The following YY1 variants were observed in gnomAD, a reference collection of about 807,000 sequenced individuals.
YY1 encodes transcriptional repressor protein YY1.
In YY1, 2 loss-of-function variants were observed where a neutral mutation model predicts 35.6. That is an observed-to-expected ratio of 0.06 (90% CI 0.02 to 0.18). YY1 has a LOEUF of 0.18. Among genes scored for constraint, YY1 ranks in the 10% least tolerant of loss-of-function variants. The pLI is 1.00. For missense variants in YY1, 322 were observed against 573.4 expected (o/e 0.56, Z 4.48); for synonymous variants, 268 against 238.9 (o/e 1.12, Z -1.12).
chr14:100,264,935 T>TC (rs1891132087), intron 2 of YY1, among the ~76,000 whole-genome samples: 1 of 150,714 alleles, frequency 6.6e-6, no homozygotes, highest in African/African-American at 2.4e-5. Context: ...ATGATGAGAC[T>TC]CCATCTCTAA....
At chr14:100,258,310 A>G (rs1219772647) in intron 1 of YY1, among the ~76,000 whole-genome samples, 2 of 152,130 alleles carry the variant, frequency 1.3e-5, no homozygotes, top group Non-Finnish European at 2.9e-5. Flanking sequence ...ATGAAATTAA[A>G]GAATTTGAGT....
chr14:100,245,515 A>G (rs1232462056), intron 1 of YY1, among the ~76,000 whole-genome samples: 1 of 152,174 alleles, frequency 6.6e-6, no homozygotes, highest in Non-Finnish European at 1.5e-5. Context: ...TATGATTAAT[A>G]AACATTTCAG....
chr14:100,274,490 G>C (rs1891292159), intron 2 of YY1, among the ~76,000 whole-genome samples: 1 of 152,232 alleles, frequency 6.6e-6, no homozygotes, highest in Non-Finnish European at 1.5e-5. Flanking sequence ...TCTAGCCTGA[G>C]CATCCTTATC....
chr14:100,239,168 G>GCCGGCCGCCTCCTCGCCCGC lies in YY1; in HGVS notation c.-73_-54dup. On this transcript the variant is annotated 5_prime_UTR_variant, in exon 1 of 5. Transcript: ENST00000262238. Reference sequence around the variant, plus strand: ...CCTCCCTCTGCCTTCCTTCCCCACGGCCGGCCGCCTCCTCGCCCGCCCGCC... The same window carrying GCCGGCCGCCTCCTCGCCCGC: ...CCTCCCTCTGCCTTCCTTCCCCACGGCCGGCCGCCTCCTCGCCCGCCCGGCCGCCTCCTCGCCCGCCCGCC... 1 of 1,257,746 alleles carries GCCGGCCGCCTCCTCGCCCGC rather than the reference G, an allele frequency of 8.0e-7. No homozygotes were observed. The highest frequency in any genetic ancestry group is 9.9e-7 in the Non-Finnish European group (1 of 1,005,634). 77.9% of individuals were successfully genotyped at this position (1,257,746 alleles called of 1,614,324 possible). A position where few individuals can be genotyped will look rare whatever the true frequency, so the allele number is the denominator to read the frequency against.
intron 1 of YY1, among the ~76,000 whole-genome samples, chr14:100,254,828 A>C (rs996462697): frequency 6.8e-6 from 1 of 146,912 alleles, no homozygotes; most frequent in Non-Finnish European, 1.5e-5. Context: ...GCTAGAGTGC[A>C]GTGGTGTGAT....
In YY1 at chr14:100,271,818, A is replaced by AT. The variant is rs1373037019; in HGVS notation, c.843-2872dup. ...TGCCACCACGCCTGGCTAACTTTTTATTTTTTTTAGAGACGGGGTGTTGCT... is the reference window on the plus strand; with the variant it reads ...TGCCACCACGCCTGGCTAACTTTTTATTTTTTTTTAGAGACGGGGTGTTGCT... On this transcript the variant is annotated intron_variant, in intron 2 of 4. Coordinates refer to ENST00000262238, the MANE Select transcript of YY1 (RefSeq NM_003403.5). Among the ~76,000 whole-genome samples the AT allele has an allele frequency of 7.2e-5, 11 of 151,764 alleles. No homozygotes were observed. In the East Asian group the frequency reaches 1.5e-3, roughly 21 times the overall value.
chr14:100,272,685 G>T (rs1451286229), intron 2 of YY1, among the ~76,000 whole-genome samples: 1 of 149,260 alleles, frequency 6.7e-6, no homozygotes, highest in South Asian at 2.1e-4. Context: ...AATAGCTTTT[G>T]GTGTATAAGT....
chr14:100,275,365 C>G (rs148443592), intron 3 of YY1, among the ~76,000 whole-genome samples: 1 of 152,148 alleles, frequency 6.6e-6, no homozygotes, highest in Admixed American at 6.6e-5. Context: ...AATGAACAAT[C>G]GGAGCAGGCT....
At chr14:100,270,629 G>GAA (rs2139598148) in intron 2 of YY1, among the ~76,000 whole-genome samples, 1 of 151,800 alleles carries the variant, frequency 6.6e-6, no homozygotes, top group African/African-American at 2.4e-5. Context: ...TCTCAAAAAA[G>GAA]AAAAGAAAAG....
intron 1 of YY1, among the ~76,000 whole-genome samples, chr14:100,242,569 T>C (rs1483561090): frequency 6.6e-6 from 1 of 151,720 alleles, no homozygotes; most frequent in Admixed American, 6.6e-5. Context: ...TTTGTGTTTT[T>C]AGTAGAGACA....
intron 3 of YY1, 107 bp downstream of exon 3, chr14:100,274,865 A>C: frequency 8.9e-7 from 1 of 1,120,198 alleles, no homozygotes; most frequent in Non-Finnish European, 1.3e-6. Flanking sequence ...AAATGAAGCA[A>C]GGAATTAGAA....
intron 1 of YY1, among the ~76,000 whole-genome samples, 168 bp downstream of exon 1, chr14:100,240,091 G>GGGCCGCGAAGATGGCGGCA (rs1295396134): frequency 6.8e-6 from 1 of 146,528 alleles, no homozygotes; most frequent in Non-Finnish European, 1.5e-5. Flanking sequence ...GGCGGGCGGC[G>GGGCCGCGAAGATGGCGGCA]GGCCGCGAAG....
chr14:100,260,914 G>C (rs1229341360), intron 1 of YY1, among the ~76,000 whole-genome samples: 4 of 148,690 alleles, frequency 2.7e-5, no homozygotes, highest in South Asian at 2.1e-4. Flanking sequence ...TCTTGCCTCA[G>C]CTTCCCAAGT....
intron 1 of YY1, among the ~76,000 whole-genome samples, chr14:100,247,410 C>T (rs533065337): frequency 5.1e-4 from 73 of 144,482 alleles, no homozygotes; most frequent in African/African-American, 1.8e-3. Context: ...GAGACAGGGT[C>T]TCACTTTGTC....
At chr14:100,251,056 C>T (rs1459679974) in intron 1 of YY1, among the ~76,000 whole-genome samples, 2 of 152,046 alleles carry the variant, frequency 1.3e-5, no homozygotes, top group Non-Finnish European at 2.9e-5. Context: ...AACATATTGA[C>T]TAACTGGTTG....
At chr14:100,252,694 C>G (rs1455519639) in intron 1 of YY1, among the ~76,000 whole-genome samples, 1 of 152,204 alleles carries the variant, frequency 6.6e-6, no homozygotes, top group Non-Finnish European at 1.5e-5. Context: ...GCCTTGCCCA[C>G]TTGTGTTCTG....
Position 100,239,181 on chromosome 14 carries a change from T to C in YY1, c.-64T>C, listed in dbSNP as rs1413311868. 37 of 1,236,550 alleles carry C rather than the reference T, an allele frequency of 3.0e-5. No individual in the cohort carries two copies. Among genetic ancestry groups the C allele is most frequent in the Non-Finnish European group, 3.7e-5 (37 of 992,200 alleles). 76.6% of individuals were successfully genotyped at this position (1,236,550 alleles called of 1,614,324 possible). On this transcript the variant is annotated 5_prime_UTR_variant, in exon 1 of 5. Transcript: ENST00000262238. Reference sequence around the variant, plus strand: ...TCCTTCCCCACGGCCGGCCGCCTCCTCGCCCGCCCGCCCGCAGCCGAGGAG... The same window carrying C: ...TCCTTCCCCACGGCCGGCCGCCTCCCCGCCCGCCCGCCCGCAGCCGAGGAG...
chr14:100,239,901 C>G lies in YY1; in HGVS notation c.657C>G (p.Phe219Leu). The G allele has an allele frequency of 6.5e-7, 1 of 1,530,638 alleles. No homozygotes were observed. Among genetic ancestry groups the G allele is most frequent in the South Asian group, 1.2e-5 (1 of 82,260 alleles). 94.8% of individuals were successfully genotyped at this position (1,530,638 alleles called of 1,614,324 possible). A position where few individuals can be genotyped will look rare whatever the true frequency, so the allele number is the denominator to read the frequency against. ...AGATCAAGACCCTGGAGGGCGAGTT[C>G]TCGGTCACCATGTGGTCCTCAGGTG... ...QVQIKTLEGE[F>L]SVTMWSSDEK... The change falls in exon 1 of 5, where the codon TTC becomes TTG. Residue 219 changes from phenylalanine to leucine, a missense_variant. By Grantham distance (22) the Phe-to-Leu change is conservative. Transcript: ENST00000262238.
chr14:100,248,608 T>G (rs1338057999), intron 1 of YY1, among the ~76,000 whole-genome samples: 3 of 151,860 alleles, frequency 2.0e-5, no homozygotes, highest in African/African-American at 7.3e-5. Context: ...GCTCAAGCGG[T>G]TCTCTGGCCT....
Sources: allele counts gnomAD v4.1 joint callset (sites outside exome capture counted in the v4.1 genomes callset), GRCh38; gene constraint gnomAD v4.1.1; transcripts MANE v1.5; gene names NCBI Gene and HGNC (gene_info 2026-07-23, HGNC 2026-07-21).